The following RABGAP1L variants were observed in gnomAD, a reference collection of about 807,000 sequenced individuals.
The protein encoded by RABGAP1L is rab GTPase-activating protein 1-like.
Under a neutral mutation model 137.7 loss-of-function variants are expected in RABGAP1L, and 63 were observed. The ratio of observed to expected loss-of-function variants is 0.46; its 90% CI spans 0.37 to 0.56. RABGAP1L has a LOEUF of 0.56. Among genes scored for constraint, RABGAP1L ranks in the 20% least tolerant of loss-of-function variants. RABGAP1L has a pLI of 0.00. For missense variants in RABGAP1L, 1,095 were observed against 1,244.0 expected (o/e 0.88, Z 1.80); for synonymous variants, 431 against 433.7 (o/e 0.99, Z 0.08).
At chr1:174,177,573 G>A (rs1427545368) in intron 1 of RABGAP1L, among the ~76,000 whole-genome samples, 2 of 152,150 alleles carry the variant, frequency 1.3e-5, no homozygotes, top group Non-Finnish European at 2.9e-5. Context: ...TGTCCTGAAT[G>A]GCATTGCCTA....
At chr1:174,980,875 A>G (rs1671041899) in intron 23 of RABGAP1L, among the ~76,000 whole-genome samples, 1 of 152,060 alleles carries the variant, frequency 6.6e-6, no homozygotes, top group Admixed American at 6.6e-5. Context: ...TAACGAAAAT[A>G]GAGAAAAGGG....
rs1027037668 is a variant in RABGAP1L at position 174,982,796 on chromosome 1, T to C, written c.2734-38T>C. 7 of 1,538,116 alleles carry C rather than the reference T, an allele frequency of 4.6e-6. No homozygotes were observed. In the African/African-American group the frequency reaches 5.5e-5, roughly 12 times the overall value. ...TTATGTGTACATGCTGCAAGAGTTG[T>C]TCTGTTTTCTAGTAAAAGACTCTTT... On this transcript the variant is annotated intron_variant, in intron 23 of 25. Transcript: ENST00000681986.
At chr1:174,384,589 T>A (rs1276470765) in intron 12 of RABGAP1L, among the ~76,000 whole-genome samples, 1 of 152,204 alleles carries the variant, frequency 6.6e-6, no homozygotes, top group Non-Finnish European at 1.5e-5. Context: ...TTCTTTTCTC[T>A]TGTCAGAACA....
At chr1:174,608,929 A>G (rs189657985) in intron 13 of RABGAP1L, among the ~76,000 whole-genome samples, 1 of 152,300 alleles carries the variant, frequency 6.6e-6, no homozygotes, top group East Asian at 1.9e-4. Context: ...TAGTTTGTCT[A>G]CTTAGACAAT....
intron 15 of RABGAP1L, among the ~76,000 whole-genome samples, chr1:174,685,647 T>A (rs530820286): frequency 6.6e-6 from 1 of 152,032 alleles, no homozygotes; most frequent in East Asian, 1.9e-4. Context: ...CTCTGCAACC[T>A]CCACCTCCTG....
intron 17 of RABGAP1L, among the ~76,000 whole-genome samples, chr1:174,719,547 C>T (rs1390290838): frequency 6.6e-6 from 1 of 152,156 alleles, no homozygotes; most frequent in African/African-American, 2.4e-5. Flanking sequence ...GTTGGTTACA[C>T]TTTTTCTACT....
At chr1:174,492,820 A>G (rs190716803) in intron 13 of RABGAP1L, among the ~76,000 whole-genome samples, 2 of 152,102 alleles carry the variant, frequency 1.3e-5, no homozygotes, top group African/African-American at 4.8e-5. Context: ...TTTAAATCTT[A>G]AGCCTTTTGT....
At chr1:174,684,426 G>A (rs1006557325) in intron 15 of RABGAP1L, among the ~76,000 whole-genome samples, 3 of 152,100 alleles carry the variant, frequency 2.0e-5, no homozygotes, top group Non-Finnish European at 4.4e-5. Context: ...GCATACAAAG[G>A]GAACAATATG....
chr1:174,405,843 C>T (rs751730537), intron 13 of RABGAP1L, among the ~76,000 whole-genome samples: 22 of 151,702 alleles, frequency 1.5e-4, no homozygotes, highest in East Asian at 5.8e-4. Context: ...CTGGGTGTGG[C>T]GACACATGCT....
In RABGAP1L at chr1:174,989,998, A is replaced by G. The variant is rs1220636745; in HGVS notation, c.3153A>G (p.Thr1051=). The G allele has an allele frequency of 2.6e-6, 4 of 1,541,322 alleles. No individual in the cohort carries two copies. Among genetic ancestry groups the G allele is most frequent in the Admixed American group, 2.0e-5 (1 of 50,960 alleles). The change falls in exon 26 of 26, where the codon ACA becomes ACG. Residue 1051 remains threonine (T), a synonymous_variant. Coordinates refer to ENST00000681986, the MANE Select transcript of RABGAP1L (RefSeq NM_001366446.1). The stretch of plus-strand genomic sequence containing the variant: ...TCACCCAGCCACCCAAGGAGAGCAC[A>G]TAGTTCCAGCCTTACCCAAGCACAA... ...APVTQPPKES[T]
At chr1:174,716,047 A>T (rs907914220) in intron 17 of RABGAP1L, among the ~76,000 whole-genome samples, 1 of 152,250 alleles carries the variant, frequency 6.6e-6, no homozygotes, top group African/African-American at 2.4e-5. Flanking sequence ...TATGCTTTAC[A>T]TCATCTCTAG....
intron 18 of RABGAP1L, among the ~76,000 whole-genome samples, chr1:174,782,620 G>T (rs1687100222): frequency 6.6e-6 from 1 of 152,120 alleles, no homozygotes; most frequent in Admixed American, 6.6e-5. Context: ...TTCCGCATGG[G>T]ATGTCAGTTT....
intron 19 of RABGAP1L, among the ~76,000 whole-genome samples, chr1:174,882,559 C>A (rs1243934274): frequency 6.6e-6 from 1 of 152,072 alleles, no homozygotes; most frequent in African/African-American, 2.4e-5. Context: ...TTGTTTATGA[C>A]CCACTAAATT....
chr1:174,919,911 T>C (rs1344338222), intron 19 of RABGAP1L, among the ~76,000 whole-genome samples: 2 of 152,148 alleles, frequency 1.3e-5, no homozygotes, highest in Non-Finnish European at 1.5e-5. Context: ...AAGTATTAGG[T>C]AAGTAGAGTT....
intron 13 of RABGAP1L, among the ~76,000 whole-genome samples, chr1:174,429,131 G>A (rs1006876672): frequency 6.6e-6 from 1 of 152,106 alleles, no homozygotes; most frequent in South Asian, 2.1e-4. Flanking sequence ...GCATGGAGTA[G>A]AATAAAGCAG....
At position 174,283,517 on chromosome 1, in the gene RABGAP1L, G is replaced by C. The variant is rs545191870; in HGVS notation, c.1323+4738G>C. Among the ~76,000 whole-genome samples the C allele has an allele frequency of 1.1e-4, 17 of 150,244 alleles. No homozygotes were observed. The South Asian group carries it at 1.5e-3, about 13-fold the overall frequency. On this transcript the variant is annotated intron_variant, in intron 10 of 25. Coordinates refer to ENST00000681986, the MANE Select transcript of RABGAP1L (RefSeq NM_001366446.1). ...TGCTGTTTTTTTTGTTTGTTTGTTT[G>C]TTTTTTTGAGACGGAGTCTCAACTT...
intron 14 of RABGAP1L, among the ~76,000 whole-genome samples, chr1:174,639,138 G>T (rs1006991989): frequency 6.6e-6 from 1 of 150,970 alleles, no homozygotes; most frequent in Non-Finnish European, 1.5e-5. Context: ...CATGTTGGTG[G>T]TTTTGGCCTC....
At chr1:174,854,968 C>T (rs1376406585) in intron 19 of RABGAP1L, among the ~76,000 whole-genome samples, 2 of 151,684 alleles carry the variant, frequency 1.3e-5, no homozygotes, top group Non-Finnish European at 2.9e-5. Flanking sequence ...GAACTCCTGA[C>T]CTCAAGTGAT....
intron 13 of RABGAP1L, among the ~76,000 whole-genome samples, chr1:174,609,646 A>G (rs1243595602): frequency 8.5e-5 from 13 of 152,192 alleles, no homozygotes; most frequent in African/African-American, 2.9e-4. Flanking sequence ...TACTACTTCA[A>G]GCTATTTTTC....
Sources: allele counts gnomAD v4.1 joint callset (sites outside exome capture counted in the v4.1 genomes callset), GRCh38; gene constraint gnomAD v4.1.1; transcripts MANE v1.5; gene names NCBI Gene and HGNC (gene_info 2026-07-23, HGNC 2026-07-21).